IL1RAPL1: variants seen among roughly 807,000 people sequenced by gnomAD.
The protein encoded by IL1RAPL1 is interleukin-1 receptor accessory protein-like 1.
IL1RAPL1 carries 3 observed loss-of-function variants against 48.4 expected under a neutral mutation model. The observed-to-expected ratio is 0.06, with a 90% CI of 0.03 to 0.16. The LOEUF (loss-of-function observed/expected upper bound fraction) is 0.16. Ranked by LOEUF, IL1RAPL1 falls within the 10% of genes least tolerant of loss-of-function variation. The probability of loss-of-function intolerance (pLI) is 1.00; values close to 1 mark genes in which losing one functional copy is unlikely to be tolerated. For missense variants in IL1RAPL1, 349 were observed against 530.6 expected (o/e 0.66, Z 3.36); for synonymous variants, 185 against 187.7 (o/e 0.99, Z 0.12).
chrX:29,564,935 A>G (rs904684499), intron 5 of IL1RAPL1, among the ~76,000 whole-genome samples: 2 of 111,635 alleles, frequency 1.8e-5, no homozygotes, highest in Non-Finnish European at 3.8e-5. Context: ...TCAGGCTTCT[A>G]GAAACTCCGT....
intron 2 of IL1RAPL1, among the ~76,000 whole-genome samples, chrX:28,932,769 TA>T (rs1303478630): frequency 1.8e-5 from 2 of 108,969 alleles, no homozygotes; most frequent in East Asian, 5.7e-4. Flanking sequence ...AAAAAATCAC[TA>T]AAAAAATGGG....
chrX:29,217,093 C>T (rs1012858346), intron 2 of IL1RAPL1, among the ~76,000 whole-genome samples: 1 of 112,039 alleles, frequency 8.9e-6, no homozygotes, highest in African/African-American at 3.2e-5. Context: ...ACCATGGTAT[C>T]AAGGGATGAT....
chrX:29,705,190 C>T (rs1019975165), intron 6 of IL1RAPL1, among the ~76,000 whole-genome samples: 1 of 111,862 alleles, frequency 8.9e-6, no homozygotes, highest in Non-Finnish European at 1.9e-5. Context: ...GTGCTTTATA[C>T]ACTATTTCGT....
intron 6 of IL1RAPL1, among the ~76,000 whole-genome samples, chrX:29,758,793 A>G (rs1272583581): frequency 2.7e-5 from 3 of 111,518 alleles, no homozygotes; most frequent in African/African-American, 9.8e-5. Context: ...AACAAAACAA[A>G]ACAAAAAAAC....
At chrX:29,752,103 T>TATATATATAC (rs1383320614) in intron 6 of IL1RAPL1, among the ~76,000 whole-genome samples, 2 of 96,400 alleles carry the variant, frequency 2.1e-5, no homozygotes, top group African/African-American at 7.8e-5. Flanking sequence ...TATATATATA[T>TATATATATAC]ACACACATAT....
At chrX:29,669,884 A>G (rs1446141806) in intron 6 of IL1RAPL1, among the ~76,000 whole-genome samples, 2 of 111,754 alleles carry the variant, frequency 1.8e-5, no homozygotes, top group Non-Finnish European at 3.8e-5. Flanking sequence ...ACTTATTGCT[A>G]CATTATGAAT....
intron 5 of IL1RAPL1, among the ~76,000 whole-genome samples, chrX:29,566,184 C>T (rs746645418): frequency 3.2e-4 from 36 of 111,764 alleles, no homozygotes; most frequent in African/African-American, 1.1e-3. Flanking sequence ...CGTGATCCAC[C>T]CACCTTGGCC....
At position 28,591,807 on chromosome X, in the gene IL1RAPL1, A is replaced by G. The variant is rs1169875515; in HGVS notation, c.-25+3760A>G. Among the ~76,000 whole-genome samples the G allele has an allele frequency of 4.5e-5, 5 of 111,305 alleles. No homozygotes were observed. In the Admixed American group the frequency reaches 4.8e-4, roughly 11 times the overall value. On this transcript the variant is annotated intron_variant, in intron 1 of 10. Coordinates refer to ENST00000378993, the MANE Select transcript of IL1RAPL1 (RefSeq NM_014271.4). ...TCAATTACTAGCCTTGTGACCTCTGACACCACATTTGATTTCTCAGTGTTC... is the reference window on the plus strand; with the variant it reads ...TCAATTACTAGCCTTGTGACCTCTGGCACCACATTTGATTTCTCAGTGTTC...
At chrX:29,493,751 TTGGGGTGTGAA>T (rs1935183494) in intron 5 of IL1RAPL1, among the ~76,000 whole-genome samples, 1 of 111,189 alleles carries the variant, frequency 9.0e-6, no homozygotes, top group Non-Finnish European at 1.9e-5. Context: ...ATGCTGAGGT[TTGGGGTGTGAA>T]TGATCCCGTC....
At chrX:29,603,630 T>G (rs767749050) in intron 5 of IL1RAPL1, among the ~76,000 whole-genome samples, 1 of 112,101 alleles carries the variant, frequency 8.9e-6, no homozygotes, top group Non-Finnish European at 1.9e-5. Context: ...TAGAGAAGTT[T>G]TCAAAAGTTT....
intron 6 of IL1RAPL1, among the ~76,000 whole-genome samples, chrX:29,703,135 T>C (rs1369216317): frequency 9.0e-6 from 1 of 111,353 alleles, no homozygotes; most frequent in African/African-American, 3.3e-5. Context: ...TTATAAGTAA[T>C]AATAATGTGC....
chrX:29,665,252 A>G (rs1925967557), intron 5 of IL1RAPL1, among the ~76,000 whole-genome samples: 1 of 112,575 alleles, frequency 8.9e-6, no homozygotes, highest in South Asian at 3.6e-4. Flanking sequence ...AGGTGTTTTC[A>G]AGGAAGAGAG....
chrX:28,691,573 C>G (rs1935178939), intron 1 of IL1RAPL1, among the ~76,000 whole-genome samples: 1 of 111,890 alleles, frequency 8.9e-6, no homozygotes, highest in Non-Finnish European at 1.9e-5. Flanking sequence ...TTTTGCTAAC[C>G]ATTATATCCA....
At chrX:29,624,656 G>A (rs1367957112) in intron 5 of IL1RAPL1, among the ~76,000 whole-genome samples, 17 of 106,670 alleles carry the variant, frequency 1.6e-4, no homozygotes, top group African/African-American at 5.5e-4. Flanking sequence ...CAACGTGGGG[G>A]AAACCCTGTT....
At chrX:29,057,380 A>C (rs1204170145) in intron 2 of IL1RAPL1, among the ~76,000 whole-genome samples, 1 of 109,944 alleles carries the variant, frequency 9.1e-6, no homozygotes, top group African/African-American at 3.3e-5. Flanking sequence ...GGAGTGAACT[A>C]TTGTGGTTTG....
chrX:29,458,735 T>C (rs1471253444), intron 5 of IL1RAPL1, among the ~76,000 whole-genome samples: 1 of 110,236 alleles, frequency 9.1e-6, no homozygotes, highest in Non-Finnish European at 1.9e-5. Context: ...GTTTTTTTTT[T>C]TTGAGACAGG....
intron 5 of IL1RAPL1, among the ~76,000 whole-genome samples, chrX:29,598,400 A>G (rs182352621): frequency 2.7e-5 from 3 of 111,670 alleles, no homozygotes; most frequent in Admixed American, 9.5e-5. Context: ...TACTTTATAT[A>G]ATTTTGGTTT....
intron 5 of IL1RAPL1, among the ~76,000 whole-genome samples, chrX:29,622,558 G>T (rs886520339): frequency 9.0e-6 from 1 of 111,630 alleles, no homozygotes; most frequent in Non-Finnish European, 1.9e-5. Context: ...CAGGGACCTC[G>T]TGCTACATTG....
chrX:28,843,285 A>AT (rs1284702448), intron 2 of IL1RAPL1, among the ~76,000 whole-genome samples: 2 of 100,853 alleles, frequency 2.0e-5, no homozygotes, highest in African/African-American at 7.3e-5. Context: ...AAATTTATTT[A>AT]TTTTCTGTCT....
Sources: gnomAD v4.1 joint callset for allele counts (sites outside exome capture counted in the v4.1 genomes callset) on GRCh38, gnomAD v4.1.1 for gene constraint, MANE v1.5 for transcripts, NCBI Gene and HGNC (gene_info 2026-07-23, HGNC 2026-07-21) for gene names.